IBTK: variants seen among roughly 807,000 people sequenced by gnomAD.
IBTK encodes the protein inhibitor of Bruton tyrosine kinase.
Under a neutral mutation model 154.9 loss-of-function variants are expected in IBTK, and 83 were observed. The ratio of observed to expected loss-of-function variants is 0.54; its 90% CI spans 0.45 to 0.64. The LOEUF (loss-of-function observed/expected upper bound fraction) is 0.64, where lower values mean the gene tolerates loss of function less well. Among genes scored for constraint, IBTK ranks in the 30% least tolerant of loss-of-function variants. The probability of loss-of-function intolerance (pLI) is 0.00; values close to 1 mark genes in which losing one functional copy is unlikely to be tolerated. For synonymous variants in IBTK, 515 were observed against 536.1 expected (o/e 0.96, Z 0.54); for missense variants, 1,332 against 1,584.6 (o/e 0.84, Z 2.71).
intron 4 of IBTK, among the ~76,000 whole-genome samples, chr6:82,231,211 T>C (rs1359202280): frequency 6.6e-6 from 1 of 152,198 alleles, no homozygotes; most frequent in Non-Finnish European, 1.5e-5. Context: ...CATATTCTCT[T>C]CATGATAAAT....
rs563042724 is a variant in IBTK, at chr6:82,240,699, T to G, written c.-213A>C. 445 of 495,938 alleles carry G rather than the reference T, an allele frequency of 9.0e-4. No homozygotes were observed. The highest frequency in any genetic ancestry group is 1.3e-3 in the Non-Finnish European group (380 of 284,370). 30.7% of individuals were successfully genotyped at this position (495,938 alleles called of 1,614,324 possible). On this transcript the variant is annotated 5_prime_UTR_variant, in exon 2 of 29. Transcript: ENST00000306270. ...AAAAATTATAAATAGCTCTATAAAG[T>G]TCATATCAAATACAAGTTCTTCATT...
chr6:82,237,579 G>A (rs1002990441), intron 2 of IBTK, among the ~76,000 whole-genome samples: 2 of 150,666 alleles, frequency 1.3e-5, no homozygotes, highest in Non-Finnish European at 2.9e-5. Context: ...AGCAGCAGTA[G>A]TAGTAGTAGT....
chr6:82,212,265 C>T (rs1309824574), intron 13 of IBTK, among the ~76,000 whole-genome samples: 3 of 152,088 alleles, frequency 2.0e-5, no homozygotes, highest in African/African-American at 4.8e-5. Context: ...AGATTACAGG[C>T]GTGAGCCACC....
At position 82,214,579 on chromosome 6, in the gene IBTK, A is replaced by G; in HGVS notation, c.1852T>C (p.Phe618Leu). The G allele has an allele frequency of 6.2e-7, 1 of 1,614,132 alleles. No individual in the cohort carries two copies. Residue 618 changes from phenylalanine (F) to leucine (L), a missense_variant, in exon 12 of 29, where the codon TTT becomes CTT. Coordinates refer to ENST00000306270, the MANE Select transcript of IBTK (RefSeq NM_015525.4). ...KDEDSAGCHL[F>L]VVEKVHPDMF... The stretch of plus-strand genomic sequence containing the variant: ...TCAGGATGAACCTTCTCTACCACAA[A>G]GAGATGGCACCCTGCAGAATCTTCA...
At chr6:82,186,913 C>CTTTTT (rs138781864) in intron 25 of IBTK, among the ~76,000 whole-genome samples, 5 of 103,672 alleles carry the variant, frequency 4.8e-5, no homozygotes, top group Non-Finnish European at 7.4e-5. Flanking sequence ...TTATCAAATT[C>CTTTTT]TTTTTTTTTT....
intron 26 of IBTK, among the ~76,000 whole-genome samples, chr6:82,176,247 G>C (rs530019757): frequency 6.6e-6 from 1 of 151,700 alleles, no homozygotes; most frequent in Non-Finnish European, 1.5e-5. Context: ...AGCTCAGCTG[G>C]GCACAGTGGC....
chr6:82,220,297 C>T (rs1182702223), intron 9 of IBTK, among the ~76,000 whole-genome samples: 1 of 152,072 alleles, frequency 6.6e-6, no homozygotes, highest in Non-Finnish European at 1.5e-5. Context: ...GTGTATACAC[C>T]AAATAACATC....
In IBTK at chr6:82,170,397, A is replaced by T. The variant is rs756677269; in HGVS notation, c.*1028T>A. 6.6e-6 allele frequency: 1 copy of T among 152,412 alleles called. No homozygotes were observed. Among genetic ancestry groups the T allele is most frequent in the Admixed American group, 6.5e-5 (1 of 15,278 alleles). The allele number at this position is 152,412 out of a possible 1,614,324, so 9.4% of individuals were successfully genotyped here. ...TGTCTCCCAGGCTTACCTTCCAGAA[A>T]CTAGAACATTAACCTTTCCAATTTA... On this transcript the variant is annotated 3_prime_UTR_variant, in exon 29 of 29. Coordinates refer to ENST00000306270, the MANE Select transcript of IBTK (RefSeq NM_015525.4).
At chr6:82,177,040 C>G (rs1039251971) in intron 26 of IBTK, among the ~76,000 whole-genome samples, 13 of 152,072 alleles carry the variant, frequency 8.5e-5, no homozygotes, top group African/African-American at 3.1e-4. Flanking sequence ...ATAAAAAGTG[C>G]TTATGAACTG....
chr6:82,182,350 TA>T (rs918436450), intron 25 of IBTK, among the ~76,000 whole-genome samples: 33 of 151,780 alleles, frequency 2.2e-4, no homozygotes, highest in Admixed American at 1.8e-3. Flanking sequence ...AAGAAACTAT[TA>T]AAAAAAGAGC....
At chr6:82,179,709 A>G (rs1284758320) in intron 26 of IBTK, among the ~76,000 whole-genome samples, 2 of 152,216 alleles carry the variant, frequency 1.3e-5, no homozygotes, top group Middle Eastern at 3.4e-3. Context: ...ACTGATTGGG[A>G]GGTGACAACT....
At chr6:82,212,584 T>C (rs1769693711) in intron 13 of IBTK, 123 bp downstream of exon 13, 3 of 669,566 alleles carry the variant, frequency 4.5e-6, no homozygotes, top group East Asian at 5.4e-5. Flanking sequence ...TGCAGAATAC[T>C]AGAAAAGGTA....
chr6:82,217,813 T>C (rs551411278), intron 10 of IBTK, 147 bp downstream of exon 10: 1 of 501,720 alleles, frequency 2.0e-6, no homozygotes, highest in African/African-American at 2.0e-5. Context: ...CCTTACACTC[T>C]AATAGGAAAC....
intron 7 of IBTK, among the ~76,000 whole-genome samples, 164 bp from the exon 8 acceptor site, chr6:82,223,784 C>T (rs920375788): frequency 6.6e-6 from 1 of 152,182 alleles, no homozygotes; most frequent in African/African-American, 2.4e-5. Flanking sequence ...CATGGTGAAA[C>T]CCCATCTCTA....
In IBTK at chr6:82,223,519, C is replaced by G. The variant is rs761085862; in HGVS notation, c.1045G>C (p.Asp349His). The G allele has an allele frequency of 6.2e-7, 1 of 1,614,002 alleles. No homozygotes were observed. The highest frequency in any genetic ancestry group is 1.3e-5 in the African/African-American group (1 of 74,954). The change falls in exon 8 of 29, where the codon GAT becomes CAT. Residue 349 changes from aspartate to histidine, a missense_variant. Physicochemically the swap from Asp to His is moderately conservative, Grantham distance 81 (BLOSUM62 -1). Transcript: ENST00000306270. ...DIALSLVAAS[D>H]GATVCVTTRG... is the part of the protein sequence containing the mutation. ...GTGGTAACACAGACTGTAGCTCCAT[C>G]ACTTGCAGCAACCAAAGACAGAGCA...
At position 82,212,806 on chromosome 6, in the gene IBTK, G is replaced by A; in HGVS notation, c.2205-13C>T. The A allele has an allele frequency of 1.4e-6, 2 of 1,438,832 alleles. No individual in the cohort carries two copies. The highest frequency in any genetic ancestry group is 1.9e-6 in the Non-Finnish European group (2 of 1,025,864). 89.1% of individuals were successfully genotyped at this position (1,438,832 alleles called of 1,614,324 possible). On this transcript the variant is annotated splice_polypyrimidine_tract_variant and intron_variant, in intron 12 of 28. Coordinates refer to ENST00000306270, the MANE Select transcript of IBTK (RefSeq NM_015525.4). Reference sequence around the variant, plus strand: ...GACTCCATCTAACCTATCAAGGATAGATAAAAATTAACAATTGATATTCCC... The same window carrying A: ...GACTCCATCTAACCTATCAAGGATAAATAAAAATTAACAATTGATATTCCC...
At chr6:82,223,198 T>C (rs1347778844) in intron 8 of IBTK, among the ~76,000 whole-genome samples, 3 of 152,308 alleles carry the variant, frequency 2.0e-5, no homozygotes, top group Non-Finnish European at 4.4e-5. Context: ...ATAGCTCATA[T>C]TTAACTACAT....
intron 22 of IBTK, 103 bp downstream of exon 22, chr6:82,196,195 G>A: frequency 2.1e-6 from 2 of 939,964 alleles, no homozygotes; most frequent in Non-Finnish European, 3.1e-6. Context: ...ATACCAACCT[G>A]GAAACTGTTT....
intron 9 of IBTK, among the ~76,000 whole-genome samples, chr6:82,219,329 C>T (rs557079116): frequency 2.6e-5 from 4 of 152,276 alleles, no homozygotes; most frequent in Non-Finnish European, 5.9e-5. Flanking sequence ...TCCATCCCTA[C>T]AATATATGCC....
Sources: allele counts gnomAD v4.1 joint callset (sites outside exome capture counted in the v4.1 genomes callset), GRCh38; gene constraint gnomAD v4.1.1; transcripts MANE v1.5; gene names NCBI Gene and HGNC (gene_info 2026-07-23, HGNC 2026-07-21).